Variants in SCN7A observed in about 807,000 individuals in gnomAD.
The protein encoded by SCN7A is sodium channel protein type 7 subunit alpha.
Under a neutral mutation model 155.2 loss-of-function variants are expected in SCN7A, and 138 were observed. That is an observed-to-expected ratio of 0.89 (90% CI 0.77 to 1.02). The LOEUF is 1.02. Ranked by LOEUF, SCN7A falls within the 50% of genes least tolerant of loss-of-function variation. The probability of loss-of-function intolerance (pLI) is 0.00; values close to 1 mark genes in which losing one functional copy is unlikely to be tolerated. For synonymous variants in SCN7A, 693 were observed against 649.0 expected (o/e 1.07, Z -1.03); for missense variants, 2,058 against 1,986.6 (o/e 1.04, Z -0.68).
At chr2:166,485,828 C>T (rs892572278) in intron 2 of SCN7A, among the ~76,000 whole-genome samples, 2 of 152,108 alleles carry the variant, frequency 1.3e-5, no homozygotes, top group African/African-American at 4.8e-5. Context: ...TCTAAATTAT[C>T]CTTTGTTATC....
intron 21 of SCN7A, among the ~76,000 whole-genome samples, chr2:166,413,985 A>G (rs796738936): frequency 0.045 from 4,187 of 93,772 alleles, 349 homozygotes; most frequent in Middle Eastern, 0.085. Context: ...GTATGTGTAT[A>G]TATATATATA....
chr2:166,416,961 T>C lies in SCN7A; in HGVS notation c.3160A>G (p.Thr1054Ala), dbSNP rs747148760. ...MKVVVRALIK[T>A]TLPTLNVFLV... ...AACACATTCAAAGTGGGTAAGGTTG[T>C]TTTGATCAAAGCTCTCACAACCACC... The change falls in exon 21 of 26, where the codon ACA becomes GCA. Residue 1054 changes from threonine (T) to alanine (A), a missense_variant. Transcript: ENST00000643258. 1 of 1,603,972 alleles carries C rather than the reference T, an allele frequency of 6.2e-7. No homozygotes were observed. The highest frequency in any genetic ancestry group is 8.5e-7 in the Non-Finnish European group (1 of 1,174,586).
Position 166,423,200 on chromosome 2 carries a change from G to A in SCN7A, c.3027+59C>T, listed in dbSNP as rs1416795606. ...TAACAAACTGACAGGAAGTGAAAGA[G>A]TAAGAGTGAGGAAGAAAAAGTAAAT... On this transcript the variant is annotated intron_variant, in intron 19 of 25. Coordinates refer to ENST00000643258, the MANE Select transcript of SCN7A (RefSeq NM_002976.4). 3.3e-6 allele frequency: 5 copies of A among 1,521,110 alleles called. No homozygotes were observed. The Admixed American group carries it at 8.2e-5, about 25-fold the overall frequency. 94.2% of individuals were successfully genotyped at this position (1,521,110 alleles called of 1,614,324 possible).
Position 166,413,984 on chromosome 2 carries a change from T to C in SCN7A, c.3415-863A>G, listed in dbSNP as rs994974539. Among the ~76,000 whole-genome samples the C allele has an allele frequency of 4.9e-5, 4 of 81,890 alleles. 1 individual carries two copies. Among genetic ancestry groups the C allele is most frequent in the Non-Finnish European group, 9.2e-5 (4 of 43,454 alleles). 53.7% of individuals were successfully genotyped at this position (81,890 alleles called of 152,430 possible). On this transcript the variant is annotated intron_variant, in intron 21 of 25. Transcript: ENST00000643258. ...CTTTATATATATATGTGTATGTGTA[T>C]ATATATATATATATATATAAATATA... is the stretch of plus-strand genomic sequence containing the variant.
intron 15 of SCN7A, among the ~76,000 whole-genome samples, chr2:166,437,608 C>T (rs1296454376): frequency 6.6e-6 from 1 of 152,162 alleles, no homozygotes; most frequent in Non-Finnish European, 1.5e-5. Flanking sequence ...GCCATAGGCA[C>T]TTAACACCGG....
At position 166,406,404 on chromosome 2, in the gene SCN7A, C is replaced by G; in HGVS notation, c.4225G>C (p.Ala1409Pro). The G allele has an allele frequency of 1.2e-6, 2 of 1,612,974 alleles. No homozygotes were observed. The highest frequency in any genetic ancestry group is 1.7e-6 in the Non-Finnish European group (2 of 1,179,350). The change falls in exon 26 of 26, where the codon GCT becomes CCT. Residue 1409 changes from alanine (A) to proline (P), a missense_variant. Physicochemically the swap from Ala to Pro is conservative, Grantham distance 27. Coordinates refer to ENST00000643258, the MANE Select transcript of SCN7A (RefSeq NM_002976.4). The part of the protein sequence containing the change: ...MYNFAYVKKE[A>P]GINDVSNFET... ...AAATTAGACACATCATTAATTCCAG[C>G]TTCTTTTTTAACATAGGCAAAATTA...
intron 7 of SCN7A, among the ~76,000 whole-genome samples, chr2:166,467,500 T>TACACAC (rs533548551): frequency 2.7e-5 from 4 of 148,202 alleles, no homozygotes; most frequent in East Asian, 2.0e-4. Context: ...TATATATATA[T>TACACAC]ACACACACAC....
intron 1 of SCN7A, among the ~76,000 whole-genome samples, chr2:166,488,433 C>T (rs114911577): frequency 6.6e-6 from 1 of 152,026 alleles, no homozygotes; most frequent in Non-Finnish European, 1.5e-5. Flanking sequence ...CTGAAGCTAA[C>T]GAAATTCTAA....
At chr2:166,416,417 G>A (rs923047693) in intron 21 of SCN7A, among the ~76,000 whole-genome samples, 4 of 152,052 alleles carry the variant, frequency 2.6e-5, no homozygotes, top group Non-Finnish European at 4.4e-5. Context: ...GGGCATCATG[G>A]TCCTACTGAT....
At chr2:166,458,506 G>A (rs1203534392) in intron 10 of SCN7A, among the ~76,000 whole-genome samples, 1 of 152,040 alleles carries the variant, frequency 6.6e-6, no homozygotes, top group African/African-American at 2.4e-5. Context: ...ACAATATAGT[G>A]TAACAACTAT....
At chr2:166,412,713 C>T (rs1701228878) in intron 22 of SCN7A, 46 bp from the exon 23 acceptor site, 2 of 1,448,968 alleles carry the variant, frequency 1.4e-6, no homozygotes, top group Admixed American at 6.7e-5. Context: ...CTTTTTAAAA[C>T]AAGTTTTATA....
At chr2:166,459,512 A>G (rs1333909471) in intron 10 of SCN7A, among the ~76,000 whole-genome samples, 1 of 152,194 alleles carries the variant, frequency 6.6e-6, no homozygotes, top group Non-Finnish European at 1.5e-5. Context: ...TACTTGGATA[A>G]AATAAATATA....
intron 2 of SCN7A, among the ~76,000 whole-genome samples, chr2:166,481,387 G>C (rs542631522): frequency 1.3e-5 from 2 of 152,054 alleles, no homozygotes; most frequent in Non-Finnish European, 2.9e-5. Flanking sequence ...GATAAAATTT[G>C]CTGTATTAGA....
intron 10 of SCN7A, among the ~76,000 whole-genome samples, chr2:166,458,740 C>T (rs1359169493): frequency 1.3e-5 from 2 of 152,050 alleles, no homozygotes; most frequent in African/African-American, 4.8e-5. Flanking sequence ...ACAGGTTTGC[C>T]GCCTAGGATC....
intron 5 of SCN7A, 112 bp downstream of exon 5, chr2:166,473,687 T>C: frequency 1.1e-5 from 3 of 261,314 alleles, no homozygotes; most frequent in Non-Finnish European, 1.4e-5. Context: ...ATTAAATTTA[T>C]TATAATATAA....
chr2:166,435,647 G>A (rs1468610365), intron 15 of SCN7A, among the ~76,000 whole-genome samples: 1 of 151,910 alleles, frequency 6.6e-6, no homozygotes, highest in Non-Finnish European at 1.5e-5. Flanking sequence ...ATGTATTGAG[G>A]CTATTTAATT....
At chr2:166,487,228 T>C (rs1332809488) in intron 1 of SCN7A, among the ~76,000 whole-genome samples, 1 of 152,196 alleles carries the variant, frequency 6.6e-6, no homozygotes. Context: ...ACATCCTGAG[T>C]TGGATGATAA....
intron 1 of SCN7A, among the ~76,000 whole-genome samples, chr2:166,491,507 G>C (rs950727254): frequency 1.3e-5 from 2 of 152,136 alleles, no homozygotes; most frequent in African/African-American, 4.8e-5. Context: ...AATAATCTTA[G>C]CTGGGTCAAG....
At position 166,407,873 on chromosome 2, in the gene SCN7A, C is replaced by T. The variant is rs1009638207; in HGVS notation, c.3983-1227G>A. Among the ~76,000 whole-genome samples the T allele has an allele frequency of 6.0e-4, 91 of 152,064 alleles. 2 individuals are homozygous for T. Among genetic ancestry groups the T allele is most frequent in the African/African-American group, 2.1e-3 (87 of 41,508 alleles). ...CTGTCCTCTAAGTTCCTTCCCCTCA[C>T]GCCCCACCCTCCAACAAGCCCTGGT... On this transcript the variant is annotated intron_variant, in intron 25 of 25. Transcript: ENST00000643258.
Sources: allele counts gnomAD v4.1 joint callset (sites outside exome capture counted in the v4.1 genomes callset), GRCh38; gene constraint gnomAD v4.1.1; transcripts MANE v1.5; gene names NCBI Gene and HGNC (gene_info 2026-07-23, HGNC 2026-07-21).